The following KIF13A variants were observed in gnomAD, a reference collection of about 807,000 sequenced individuals.
KIF13A encodes the protein kinesin family member 13A, also known as kinesin-like protein KIF13A.
KIF13A carries 79 observed loss-of-function variants against 212.2 expected under a neutral mutation model. The ratio of observed to expected loss-of-function variants is 0.37; its 90% CI spans 0.31 to 0.45. The LOEUF (loss-of-function observed/expected upper bound fraction) is 0.45. KIF13A is among the 20% of genes least tolerant of loss of function. The pLI is 1.00. For synonymous variants in KIF13A, 789 were observed against 808.6 expected, an observed-to-expected ratio of 0.98 and a Z score of 0.41; for missense variants, 1,901 against 2,209.0, an observed-to-expected ratio of 0.86 and a Z score of 2.79.
chr6:17,849,493 G>T lies in KIF13A; in HGVS notation c.718-4C>A, dbSNP rs778705457. 86 of 1,608,826 alleles carry T rather than the reference G, an allele frequency of 5.3e-5. No individual in the cohort carries two copies. The highest frequency in any genetic ancestry group is 6.9e-5 in the Non-Finnish European group (81 of 1,176,110). On this transcript the variant is annotated splice_region_variant and splice_polypyrimidine_tract_variant and intron_variant, in intron 8 of 38. Coordinates refer to ENST00000259711, the MANE Select transcript of KIF13A (RefSeq NM_022113.6). This position sits in a 1 kb window ranked among gnomAD's most constrained non-coding sequence, Gnocchi z 5.7. ...TACTGACTTTCTCCCCGGAATTCTAGTTATAGGAAACGAGAGAGAGAAGAA... is the reference window on the plus strand; with the variant it reads ...TACTGACTTTCTCCCCGGAATTCTATTTATAGGAAACGAGAGAGAGAAGAA...
chr6:17,780,978 A>G (rs1760515843), intron 30 of KIF13A, 72 bp from the exon 31 acceptor site: 1 of 1,438,440 alleles, frequency 7.0e-7, no homozygotes, highest in Non-Finnish European at 9.6e-7. Flanking sequence ...CAGGACATAC[A>G]AGAGAAAGAA....
intron 3 of KIF13A, among the ~76,000 whole-genome samples, chr6:17,896,193 T>C (rs922733011): frequency 5.9e-5 from 9 of 152,062 alleles, no homozygotes; most frequent in Middle Eastern, 3.2e-3. Context: ...TGCATATAAG[T>C]GGACCTGGGC....
At chr6:17,846,142 G>T (rs1189357169) in intron 9 of KIF13A, among the ~76,000 whole-genome samples, 1 of 132,950 alleles carries the variant, frequency 7.5e-6, no homozygotes, top group Non-Finnish European at 1.5e-5. Flanking sequence ...TTTTAGTAAA[G>T]ACAGGGTTTC....
At chr6:17,781,052 A>G in intron 30 of KIF13A, 125 bp downstream of exon 30, 1 of 1,394,940 alleles carries the variant, frequency 7.2e-7, no homozygotes, top group Non-Finnish European at 9.9e-7. Context: ...CAGCAACACA[A>G]ATGTTCTATT....
rs1429871860 is a variant in KIF13A, at chr6:17,947,080, A to G, written c.146+39974T>C. Among the ~76,000 whole-genome samples, 12 of 152,374 alleles carry G rather than the reference A, an allele frequency of 7.9e-5. No homozygotes were observed. In the East Asian group the frequency reaches 2.1e-3, roughly 27 times the overall value. ...TGTGACGAAAAGTTCAAAAAGTAGCATTCCATTTACAAAAATATTAAAACC... is the reference window on the plus strand; with the variant it reads ...TGTGACGAAAAGTTCAAAAAGTAGCGTTCCATTTACAAAAATATTAAAACC... On this transcript the variant is annotated intron_variant, in intron 2 of 38. Transcript: ENST00000259711. This position sits in a 1 kb window ranked among gnomAD's most constrained non-coding sequence, Gnocchi z 4.6.
rs377655157 is a variant in KIF13A at position 17,838,496 on chromosome 6, G to T, written c.831-913C>A. Among the ~76,000 whole-genome samples the T allele has an allele frequency of 1.6e-3, 250 of 152,066 alleles. 10 individuals carry two copies. The South Asian group carries it at 0.051, about 31-fold the overall frequency. On this transcript the variant is annotated intron_variant, in intron 9 of 38. Transcript: ENST00000259711. This position sits in a 1 kb window ranked among gnomAD's most constrained non-coding sequence, Gnocchi z 4.2. Reference sequence around the variant, plus strand: ...TTCCCCAAAGACGAGTCACTGAAAAGTCCCCGAAATATAATATAAACTCAA... The same window carrying T: ...TTCCCCAAAGACGAGTCACTGAAAATTCCCCGAAATATAATATAAACTCAA...
chr6:17,981,152 T>C (rs1781037554), intron 2 of KIF13A, among the ~76,000 whole-genome samples: 1 of 151,996 alleles, frequency 6.6e-6, no homozygotes, highest in South Asian at 2.1e-4. Context: ...CCTATGTTTT[T>C]CAAAATATAA....
chr6:17,764,446 G>A lies in KIF13A; in HGVS notation c.5082C>T (p.Cys1694=), dbSNP rs370053976. 2 of 1,614,018 alleles carry A rather than the reference G, an allele frequency of 1.2e-6. No homozygotes were observed. The highest frequency in any genetic ancestry group is 2.7e-5 in the African/African-American group (2 of 75,040). The change falls in exon 39 of 39, where the codon TGC becomes TGT. Residue 1694 remains cysteine, a synonymous_variant. Coordinates refer to ENST00000259711, the MANE Select transcript of KIF13A (RefSeq NM_022113.6). This position sits in a 1 kb window ranked among gnomAD's most constrained non-coding sequence, Gnocchi z 5.1. ...SIPEKNSKSL[C]RTGSCSELDA... is the part of the protein sequence containing the mutation. ...CTAGTTCTGAACATGAGCCAGTCCT[G>A]CACAGTGATTTGGAGTTTTTCTCAG...
chr6:17,881,335 C>T, intron 3 of KIF13A: 1 of 331,492 alleles, frequency 3.0e-6, no homozygotes, highest in Non-Finnish European at 5.8e-6. Context: ...TATATATAAT[C>T]TGAGGTAATG....
Position 17,773,390 on chromosome 6 carries a change from T to C in KIF13A, c.4324+88A>G. The C allele has an allele frequency of 2.8e-6, 2 of 701,934 alleles. No individual in the cohort carries two copies. 43.5% of individuals were successfully genotyped at this position (701,934 alleles called of 1,614,324 possible). A position where few individuals can be genotyped will look rare whatever the true frequency, so the allele number is the denominator to read the frequency against. On this transcript the variant is annotated intron_variant, in intron 36 of 38. Coordinates refer to ENST00000259711, the MANE Select transcript of KIF13A (RefSeq NM_022113.6). This position sits in a 1 kb window ranked among gnomAD's most constrained non-coding sequence, Gnocchi z 4.2. ...TAACTAGAATATCAGCTTCATATCT[T>C]ATTATATGCCATTAATGAAAGACAT...
intron 2 of KIF13A, among the ~76,000 whole-genome samples, chr6:17,980,651 A>AG (rs1289573320): frequency 2.0e-5 from 3 of 152,224 alleles, no homozygotes; most frequent in African/African-American, 7.2e-5. Context: ...TTAAGTACAC[A>AG]GAAAAAAAAG....
At chr6:17,956,399 T>C (rs1322204465) in intron 2 of KIF13A, among the ~76,000 whole-genome samples, 4 of 152,220 alleles carry the variant, frequency 2.6e-5, no homozygotes, top group Non-Finnish European at 4.4e-5. Context: ...GTGCCACCTG[T>C]TTGTGGTCCT....
At chr6:17,893,195 T>C (rs1772226332) in intron 3 of KIF13A, among the ~76,000 whole-genome samples, 2 of 152,154 alleles carry the variant, frequency 1.3e-5, no homozygotes, top group Admixed American at 6.5e-5. Context: ...GTAAATACAG[T>C]TCAGTCACCC....
intron 2 of KIF13A, among the ~76,000 whole-genome samples, chr6:17,932,086 G>A (rs1561775873): frequency 6.6e-6 from 1 of 152,076 alleles, no homozygotes; most frequent in Non-Finnish European, 1.5e-5. Flanking sequence ...ACAGCAATCT[G>A]TGTTTTAATA....
chr6:17,771,999 TGAG>T lies in KIF13A; in HGVS notation c.4382_4384del (p.Pro1461del), dbSNP rs1253461851. ...TAGGGGCTTGAAAAACTTTGGTGGCTGAGGAGAGAATGCTTTAAAAGGGCTGAC... is the reference window on the plus strand; with the variant it reads ...TAGGGGCTTGAAAAACTTTGGTGGCTGAGAGAATGCTTTAAAAGGGCTGAC... On this transcript the variant is annotated inframe_deletion, in exon 37 of 39. Coordinates refer to ENST00000259711, the MANE Select transcript of KIF13A (RefSeq NM_022113.6). The surrounding 1 kb of genome is among the most constrained non-coding windows in gnomAD (Gnocchi z 5.4). 1.2e-6 allele frequency: 2 copies of T among 1,613,804 alleles called. No individual in the cohort carries two copies. The highest frequency in any genetic ancestry group is 1.7e-6 in the Non-Finnish European group (2 of 1,179,842).
intron 35 of KIF13A, among the ~76,000 whole-genome samples, chr6:17,774,625 T>C (rs182542953): frequency 1.7e-3 from 252 of 152,152 alleles, no homozygotes; most frequent in Non-Finnish European, 2.7e-3. Context: ...AATACAAAAT[T>C]AGCCAGGTGT....
chr6:17,819,378 C>T (rs529876183), intron 16 of KIF13A, among the ~76,000 whole-genome samples: 37 of 152,080 alleles, frequency 2.4e-4, no homozygotes, highest in Non-Finnish European at 3.7e-4. Context: ...GCCTGGCCAA[C>T]GTGATGAGAC....
chr6:17,945,015 G>A (rs1350378883), intron 2 of KIF13A, among the ~76,000 whole-genome samples: 1 of 152,170 alleles, frequency 6.6e-6, no homozygotes, highest in African/African-American at 2.4e-5. Context: ...GTTCACATCT[G>A]TAATTCCAGC....
chr6:17,942,501 T>C (rs1777039434), intron 2 of KIF13A, among the ~76,000 whole-genome samples: 1 of 152,098 alleles, frequency 6.6e-6, no homozygotes, highest in Non-Finnish European at 1.5e-5. Flanking sequence ...ACCTACCTCA[T>C]AAAGTTGCAG....
Sources: allele counts gnomAD v4.1 joint callset (sites outside exome capture counted in the v4.1 genomes callset), GRCh38; gene constraint gnomAD v4.1.1; non-coding constraint Gnocchi (gnomAD v3.1); transcripts MANE v1.5; gene names NCBI Gene and HGNC (gene_info 2026-07-23, HGNC 2026-07-21).